Variants in CDH6 observed in about 807,000 individuals in gnomAD.
CDH6 encodes the protein cadherin 6, also known as cadherin-6.
A neutral mutation model predicts 78.0 loss-of-function variants in CDH6; 31 were observed. That is an observed-to-expected ratio of 0.40 (90% CI 0.30 to 0.54). The LOEUF (loss-of-function observed/expected upper bound fraction) is 0.54, where lower values mean the gene tolerates loss of function less well. CDH6 is among the 20% of genes least tolerant of loss of function. The probability of loss-of-function intolerance (pLI) is 0.56; values close to 1 mark genes in which losing one functional copy is unlikely to be tolerated. For missense variants in CDH6, 724 were observed against 975.9 expected, an observed-to-expected ratio of 0.74 and a Z score of 3.44; for synonymous variants, 376 against 368.8, an observed-to-expected ratio of 1.02 and a Z score of -0.23.
chr5:31,307,655 T>G (rs1470231515), intron 7 of CDH6, among the ~76,000 whole-genome samples: 1 of 152,234 alleles, frequency 6.6e-6, no homozygotes, highest in Non-Finnish European at 1.5e-5. Context: ...TGGAGTTTGT[T>G]GTAACTGCAT....
chr5:31,203,136 T>G (rs545618106), intron 1 of CDH6, among the ~76,000 whole-genome samples: 1 of 152,228 alleles, frequency 6.6e-6, no homozygotes, highest in African/African-American at 2.4e-5. Context: ...ATTCTATTAG[T>G]GTGGCCTTGT....
chr5:31,210,250 C>CA, intron 1 of CDH6, among the ~76,000 whole-genome samples: 1 of 152,152 alleles, frequency 6.6e-6, no homozygotes, highest in Non-Finnish European at 1.5e-5. Flanking sequence ...TGCGGCGACT[C>CA]ACGCCTATAA....
intron 7 of CDH6, among the ~76,000 whole-genome samples, chr5:31,307,744 G>A (rs1337457784): frequency 6.6e-6 from 1 of 151,988 alleles, no homozygotes; most frequent in East Asian, 1.9e-4. Flanking sequence ...TATGAGCTTT[G>A]GTTATCTCCT....
chr5:31,272,712 C>G (rs1186661318), intron 2 of CDH6, among the ~76,000 whole-genome samples: 1 of 152,212 alleles, frequency 6.6e-6, no homozygotes, highest in East Asian at 1.9e-4. Flanking sequence ...CCACAATGTT[C>G]TTTAACCCCT....
intron 1 of CDH6, among the ~76,000 whole-genome samples, chr5:31,263,607 C>T (rs887765122): frequency 2.6e-5 from 4 of 151,916 alleles, no homozygotes; most frequent in Admixed American, 2.0e-4. Flanking sequence ...TATAAAGCCA[C>T]CACTCCCACT....
chr5:31,256,054 G>C lies in CDH6; in HGVS notation c.-128-11292G>C, dbSNP rs550877455. On this transcript the variant is annotated intron_variant, in intron 1 of 11. Transcript: ENST00000265071. ...GCTGTGTGTATGTGTGTGTTTAGTG[G>C]GAAAGGTGAAGAGAGACAGAAAAGA... 8.1e-4 allele frequency among the ~76,000 whole-genome samples: 123 copies of C among 152,256 alleles called. 1 individual carries two copies. In the Middle Eastern group the frequency reaches 0.021, roughly 26 times the overall value.
chr5:31,267,454 G>T lies in CDH6; in HGVS notation c.-20G>T. On this transcript the variant is annotated 5_prime_UTR_variant, in exon 2 of 12. Coordinates refer to ENST00000265071, the MANE Select transcript of CDH6 (RefSeq NM_004932.4). ...AAGAGTGGGGCACTCACTACGCACA[G>T]ACTCGACGGTGCCATCAGCATGAGA... 6.2e-7 allele frequency: 1 copy of T among 1,603,610 alleles called. No homozygotes were observed. Among genetic ancestry groups the T allele is most frequent in the Non-Finnish European group, 8.5e-7 (1 of 1,170,518 alleles).
intron 7 of CDH6, among the ~76,000 whole-genome samples, chr5:31,312,945 GCACACACACA>G (rs3028834): frequency 4.9e-4 from 73 of 149,298 alleles, no homozygotes; most frequent in Non-Finnish European, 7.7e-4. Context: ...ATGCATACAA[GCACACACACA>G]CACACACACA....
At chr5:31,280,690 G>A (rs1457717838) in intron 2 of CDH6, among the ~76,000 whole-genome samples, 3 of 152,014 alleles carry the variant, frequency 2.0e-5, no homozygotes, top group Admixed American at 6.6e-5. Context: ...TTTCCCCAGC[G>A]GGGTCGTCAG....
intron 2 of CDH6, among the ~76,000 whole-genome samples, chr5:31,273,308 T>G (rs1042110586): frequency 6.6e-6 from 1 of 152,220 alleles, no homozygotes; most frequent in Non-Finnish European, 1.5e-5. Flanking sequence ...CATGCGTGAT[T>G]CAGCGAGTCT....
intron 1 of CDH6, among the ~76,000 whole-genome samples, chr5:31,236,114 T>C (rs1193921524): frequency 1.3e-5 from 2 of 152,228 alleles, no homozygotes; most frequent in Non-Finnish European, 2.9e-5. Context: ...TTATGCGGTA[T>C]AAATTTTTAT....
chr5:31,323,491 G>T lies in CDH6; in HGVS notation c.*183G>T. On this transcript the variant is annotated 3_prime_UTR_variant, in exon 12 of 12. Coordinates refer to ENST00000265071, the MANE Select transcript of CDH6 (RefSeq NM_004932.4). ...GTACACTTTTATGAGCTTCCAAGGG[G>T]CAAATTTTTATTTTTTAGTGCATCC... 1.5e-6 allele frequency: 1 copy of T among 653,932 alleles called. No individual in the cohort carries two copies. The highest frequency in any genetic ancestry group is 2.5e-5 in the South Asian group (1 of 40,022). The allele number at this position is 653,932 out of a possible 1,614,324, so 40.5% of individuals were successfully genotyped here. A position where few individuals can be genotyped will look rare whatever the true frequency, so the allele number is the denominator to read the frequency against.
intron 6 of CDH6, 165 bp downstream of exon 6, chr5:31,302,463 C>T (rs983427849): frequency 5.0e-5 from 27 of 539,362 alleles, no homozygotes; most frequent in African/African-American, 4.7e-4. Flanking sequence ...TGGCTCCCGC[C>T]TGTAATCCCA....
intron 1 of CDH6, among the ~76,000 whole-genome samples, chr5:31,263,645 C>T (rs894347357): frequency 1.6e-4 from 25 of 151,990 alleles, no homozygotes; most frequent in African/African-American, 6.0e-4. Context: ...ATCCATTAAT[C>T]CATGAACAAG....
rs534168510 is a variant in CDH6, at chr5:31,294,268, G to A, written c.523+12G>A. On this transcript the variant is annotated intron_variant, in intron 3 of 11. Coordinates refer to ENST00000265071, the MANE Select transcript of CDH6 (RefSeq NM_004932.4). This position sits in a 1 kb window ranked among gnomAD's most constrained non-coding sequence, Gnocchi z 4.1. ...AATGTCTGATGTCGGTGAGTGAGAC[G>A]TGACTTCAGCCAAAAGCTGGCTTTC... 30 of 1,601,588 alleles carry A rather than the reference G, an allele frequency of 1.9e-5. No individual in the cohort carries two copies. The East Asian group carries it at 5.4e-4, about 29-fold the overall frequency.
chr5:31,269,881 G>T (rs1174537146), intron 2 of CDH6, among the ~76,000 whole-genome samples: 3 of 151,812 alleles, frequency 2.0e-5, no homozygotes, highest in Non-Finnish European at 4.4e-5. Context: ...TGAGATATTT[G>T]CTGGAAAAAA....
At chr5:31,260,119 C>T (rs895778777) in intron 1 of CDH6, among the ~76,000 whole-genome samples, 12 of 152,214 alleles carry the variant, frequency 7.9e-5, no homozygotes, top group South Asian at 4.1e-4. Context: ...CTATATGTGT[C>T]GTCTGCTAAG....
intron 1 of CDH6, among the ~76,000 whole-genome samples, chr5:31,215,873 G>A (rs1173206650): frequency 6.6e-6 from 1 of 152,102 alleles, no homozygotes; most frequent in Non-Finnish European, 1.5e-5. Context: ...CCAATTTGAC[G>A]ATGGACAGCA....
rs58981128 is a variant in CDH6, at chr5:31,267,945, T to C, written c.228+244T>C. ...GTTGAAACACCCACAACCATCCGCA[T>C]AGGATTATCATAAATCCTTTAATTT... On this transcript the variant is annotated intron_variant, in intron 2 of 11. Transcript: ENST00000265071. Among the ~76,000 whole-genome samples, 691 of 152,314 alleles carry C rather than the reference T, an allele frequency of 4.5e-3. 11 individuals carry two copies. In the South Asian group the frequency reaches 0.05, roughly 11 times the overall value.
Sources: allele counts gnomAD v4.1 joint callset (sites outside exome capture counted in the v4.1 genomes callset), GRCh38; gene constraint gnomAD v4.1.1; non-coding constraint Gnocchi (gnomAD v3.1); transcripts MANE v1.5; gene names NCBI Gene and HGNC (gene_info 2026-07-23, HGNC 2026-07-21).